The following NRG3 variants were observed in gnomAD, a reference collection of about 807,000 sequenced individuals.
NRG3 encodes neuregulin 3.
A neutral mutation model predicts 66.9 loss-of-function variants in NRG3; 31 were observed. That is an observed-to-expected ratio of 0.46 (90% confidence interval 0.35 to 0.63). NRG3 has a LOEUF of 0.63. Ranked by LOEUF, NRG3 falls within the 20% of genes least tolerant of loss-of-function variation. NRG3 has a pLI of 0.00. For synonymous variants in NRG3, 393 were observed against 359.4 expected, an observed-to-expected ratio of 1.09 and a Z score of -1.06; for missense variants, 910 against 878.9, an observed-to-expected ratio of 1.04 and a Z score of -0.45.
chr10:82,946,570 A>G (rs920329630), intron 4 of NRG3, among the ~76,000 whole-genome samples: 5 of 152,064 alleles, frequency 3.3e-5, no homozygotes, highest in East Asian at 1.9e-4. Flanking sequence ...AATAAAGCAA[A>G]CAGCATGTTT....
chr10:82,113,048 A>G (rs748891697), intron 1 of NRG3, among the ~76,000 whole-genome samples: 4 of 152,254 alleles, frequency 2.6e-5, no homozygotes, highest in Non-Finnish European at 4.4e-5. Flanking sequence ...ATTTGCTTAT[A>G]TTTACCAAGA....
intron 1 of NRG3, among the ~76,000 whole-genome samples, chr10:82,104,533 T>C (rs2066946519): frequency 6.6e-6 from 1 of 152,166 alleles, no homozygotes; most frequent in South Asian, 2.1e-4. Flanking sequence ...AAAACTGTTC[T>C]TAGACAAGAT....
At chr10:82,351,257 G>C (rs569960963) in intron 1 of NRG3, among the ~76,000 whole-genome samples, 2 of 152,306 alleles carry the variant, frequency 1.3e-5, no homozygotes, top group African/African-American at 4.8e-5. Context: ...ACAGGAGGCT[G>C]TTTCTATGTG....
chr10:81,954,650 A>T (rs1424828114), intron 1 of NRG3, among the ~76,000 whole-genome samples: 1 of 152,174 alleles, frequency 6.6e-6, no homozygotes, highest in Non-Finnish European at 1.5e-5. Context: ...CCCAGAATAA[A>T]ACATAAAAAT....
intron 1 of NRG3, among the ~76,000 whole-genome samples, chr10:82,212,626 T>C (rs1181578593): frequency 1.3e-5 from 2 of 152,172 alleles, no homozygotes; most frequent in East Asian, 1.9e-4. Context: ...TGTCTCTAAA[T>C]TAATAAAGGC....
At chr10:82,941,336 T>C (rs1307179286) in intron 4 of NRG3, among the ~76,000 whole-genome samples, 1 of 152,216 alleles carries the variant, frequency 6.6e-6, no homozygotes, top group Non-Finnish European at 1.5e-5. Context: ...ATGAAATACT[T>C]GTTTAAGGCA....
chr10:82,003,194 T>C (rs1378754284), intron 1 of NRG3, among the ~76,000 whole-genome samples: 1 of 152,124 alleles, frequency 6.6e-6, no homozygotes, highest in Admixed American at 6.5e-5. Context: ...TTGTGTTTAG[T>C]TAGGAACACT....
chr10:82,114,472 A>C (rs1162488341), intron 1 of NRG3, among the ~76,000 whole-genome samples: 1 of 152,176 alleles, frequency 6.6e-6, no homozygotes, highest in African/African-American at 2.4e-5. Context: ...GTTTATTAGC[A>C]TCCTTTATAG....
intron 2 of NRG3, among the ~76,000 whole-genome samples, chr10:82,365,572 CCAA>C (rs1221631399): frequency 1.3e-5 from 2 of 152,134 alleles, no homozygotes; most frequent in African/African-American, 4.8e-5. Context: ...AGCAAGCAAA[CCAA>C]CAACACAATG....
chr10:82,185,383 T>C (rs1461581321), intron 1 of NRG3, among the ~76,000 whole-genome samples: 1 of 152,138 alleles, frequency 6.6e-6, no homozygotes, highest in East Asian at 1.9e-4. Context: ...GCCAGGTCTT[T>C]CTTCTTGTTT....
chr10:82,840,230 C>T (rs765396098), intron 3 of NRG3, among the ~76,000 whole-genome samples: 54 of 152,264 alleles, frequency 3.5e-4, no homozygotes, highest in Non-Finnish European at 6.8e-4. Context: ...CAGATATCCG[C>T]GTAGTTAACT....
intron 1 of NRG3, among the ~76,000 whole-genome samples, chr10:82,231,344 C>T (rs141025327): frequency 0.018 from 2,652 of 151,442 alleles, 89 homozygotes; most frequent in African/African-American, 0.061. Flanking sequence ...AGCGAGACTC[C>T]GTCTCAAAAA....
intron 4 of NRG3, among the ~76,000 whole-genome samples, chr10:82,934,452 A>G (rs1847877950): frequency 6.6e-6 from 1 of 152,128 alleles, no homozygotes. Context: ...TCTTCCAGAG[A>G]TTTGCTGCTT....
At chr10:82,577,269 G>T (rs938256953) in intron 2 of NRG3, among the ~76,000 whole-genome samples, 5 of 151,668 alleles carry the variant, frequency 3.3e-5, no homozygotes, top group African/African-American at 1.2e-4. Flanking sequence ...AGGAGGGCAG[G>T]TACCATGCTG....
chr10:82,856,047 A>C (rs1190881694), intron 3 of NRG3, among the ~76,000 whole-genome samples: 1 of 152,160 alleles, frequency 6.6e-6, no homozygotes, highest in Non-Finnish European at 1.5e-5. Context: ...AGTTTTCTGG[A>C]AACAATTGTG....
intron 1 of NRG3, among the ~76,000 whole-genome samples, chr10:82,096,150 C>T (rs1007920935): frequency 8.5e-5 from 13 of 152,148 alleles, no homozygotes; most frequent in Non-Finnish European, 1.5e-4. Flanking sequence ...TAACCTAAGA[C>T]GGAAGAAAAT....
intron 2 of NRG3, among the ~76,000 whole-genome samples, chr10:82,558,179 T>G (rs1056294693): frequency 3.9e-5 from 6 of 152,146 alleles, no homozygotes; most frequent in Non-Finnish European, 5.9e-5. Context: ...GAGACTTTCA[T>G]GGTGGCTAGA....
intron 2 of NRG3, among the ~76,000 whole-genome samples, chr10:82,386,659 G>A (rs960752272): frequency 1.2e-4 from 19 of 152,038 alleles, no homozygotes; most frequent in African/African-American, 2.4e-4. Flanking sequence ...CTTTATACTC[G>A]GAAAGATCCA....
chr10:82,208,944 G>A (rs568195050), intron 1 of NRG3, among the ~76,000 whole-genome samples: 7 of 152,174 alleles, frequency 4.6e-5, no homozygotes, highest in African/African-American at 1.7e-4. Flanking sequence ...GCTAACCCCA[G>A]GGGACTGCAC....
Sources: allele counts gnomAD v4.1 joint callset (sites outside exome capture counted in the v4.1 genomes callset), GRCh38; gene constraint gnomAD v4.1.1; transcripts MANE v1.5; gene names NCBI Gene and HGNC (gene_info 2026-07-23, HGNC 2026-07-21).